Variants in PTPRG observed in about 807,000 individuals in gnomAD.
PTPRG encodes the protein protein tyrosine phosphatase receptor type G, also known as receptor-type tyrosine-protein phosphatase gamma.
A neutral mutation model predicts 165.3 loss-of-function variants in PTPRG; 102 were observed. That is an observed-to-expected ratio of 0.62 (90% CI 0.53 to 0.73). PTPRG has a LOEUF of 0.73. Among genes scored for constraint, PTPRG ranks in the 30% least tolerant of loss-of-function variants. The pLI is 0.00. For missense variants in PTPRG, 1,866 were observed against 1,861.4 expected, an observed-to-expected ratio of 1.00 and a Z score of -0.05; for synonymous variants, 675 against 669.5, an observed-to-expected ratio of 1.01 and a Z score of -0.13.
intron 5 of PTPRG, among the ~76,000 whole-genome samples, chr3:62,116,541 C>T (rs966125523): frequency 5.3e-5 from 8 of 152,042 alleles, no homozygotes; most frequent in African/African-American, 1.4e-4. Flanking sequence ...TCAGATATAA[C>T]GACGAGTGAA....
intron 2 of PTPRG, among the ~76,000 whole-genome samples, chr3:61,810,958 T>C (rs557878821): frequency 6.6e-6 from 1 of 152,286 alleles, no homozygotes; most frequent in East Asian, 1.9e-4. Context: ...CCTACCTGTG[T>C]TGGGGAGTGC....
intron 5 of PTPRG, among the ~76,000 whole-genome samples, chr3:62,105,834 T>C (rs1005590669): frequency 1.3e-5 from 2 of 152,156 alleles, no homozygotes; most frequent in Admixed American, 6.6e-5. Context: ...GTAGATCTCT[T>C]GGTGTCTTCT....
chr3:62,195,131 G>A lies in PTPRG; in HGVS notation c.1288G>A (p.Asp430Asn), dbSNP rs1450927100. 1.2e-5 allele frequency: 20 copies of A among 1,614,210 alleles called. No homozygotes were observed. Among genetic ancestry groups the A allele is most frequent in the East Asian group, 6.7e-5 (3 of 44,858 alleles). ...LFRVQAVCRNDMRSDFSQTML... is the reference protein window; with the variant it reads ...LFRVQAVCRNNMRSDFSQTML... ...CCGAGTCCAGGCCGTGTGTCGGAAC[G>A]ACATGCGCAGCGACTTTAGCCAGAC... is the stretch of plus-strand genomic sequence containing the variant. Residue 430 changes from aspartate (D) to asparagine (N), a missense_variant, in exon 10 of 30, where the codon GAC (aspartate) becomes AAC (asparagine). Transcript: ENST00000474889. This position sits in a 1 kb window ranked among gnomAD's most constrained non-coding sequence, Gnocchi z 4.4.
chr3:62,178,857 G>A (rs1705540051), intron 8 of PTPRG, among the ~76,000 whole-genome samples: 1 of 152,208 alleles, frequency 6.6e-6, no homozygotes, highest in South Asian at 2.1e-4. Flanking sequence ...GGGTTTACTT[G>A]TGTGGGCACC....
At chr3:61,801,233 A>G (rs1189590313) in intron 2 of PTPRG, among the ~76,000 whole-genome samples, 1 of 152,102 alleles carries the variant, frequency 6.6e-6, no homozygotes, top group Non-Finnish European at 1.5e-5. Flanking sequence ...TGGTCTATGC[A>G]CACAGACGCC....
chr3:61,680,617 A>G (rs1344790966), intron 1 of PTPRG, among the ~76,000 whole-genome samples: 1 of 150,240 alleles, frequency 6.7e-6, no homozygotes, highest in Non-Finnish European at 1.5e-5. Context: ...AAAAAATCAT[A>G]CAAAAAAAAT....
intron 2 of PTPRG, among the ~76,000 whole-genome samples, chr3:61,935,129 C>T (rs958468305): frequency 1.3e-5 from 2 of 152,120 alleles, no homozygotes; most frequent in Non-Finnish European, 2.9e-5. Flanking sequence ...ATCTCCGCCT[C>T]TCCCTACACC....
At chr3:62,223,798 A>G (rs1700702146) in intron 13 of PTPRG, among the ~76,000 whole-genome samples, 1 of 152,200 alleles carries the variant, frequency 6.6e-6, no homozygotes, top group Admixed American at 6.5e-5. Context: ...GGAAAATCAA[A>G]TGTACAGAGC....
chr3:62,170,154 C>T (rs1033885980), intron 8 of PTPRG, among the ~76,000 whole-genome samples: 12 of 151,896 alleles, frequency 7.9e-5, no homozygotes, highest in Non-Finnish European at 1.6e-4. Flanking sequence ...TCTCTGGGAA[C>T]AATGGGAGAA....
chr3:61,790,258 T>TG (rs1261268882), intron 2 of PTPRG, among the ~76,000 whole-genome samples: 1 of 152,218 alleles, frequency 6.6e-6, no homozygotes, highest in Non-Finnish European at 1.5e-5. Flanking sequence ...TTGCTGGACT[T>TG]GCTGGGGTGG....
chr3:62,170,186 G>C (rs1168362215), intron 8 of PTPRG, among the ~76,000 whole-genome samples: 1 of 152,060 alleles, frequency 6.6e-6, no homozygotes, highest in African/African-American at 2.4e-5. Context: ...ACAAACCTGT[G>C]AAATATCTTA....
intron 23 of PTPRG, 75 bp from the exon 24 acceptor site, chr3:62,275,798 A>T: frequency 9.0e-7 from 1 of 1,110,122 alleles, no homozygotes; most frequent in South Asian, 1.5e-5. Context: ...TCTGATTGGG[A>T]TTTTTGCCAA....
Position 62,043,224 on chromosome 3 carries a change from A to G in PTPRG, c.520-34939A>G, listed in dbSNP as rs541712731. Among the ~76,000 whole-genome samples the G allele has an allele frequency of 8.5e-4, 129 of 152,304 alleles. 2 individuals carry two copies. The highest frequency in any genetic ancestry group is 2.7e-3 in the African/African-American group (114 of 41,568). On this transcript the variant is annotated intron_variant, in intron 4 of 29. Transcript: ENST00000474889. ...ATATGTTTTTCCACTAGGTTTCTAT[A>G]TTTATCTTGTAGAATCAACTCTATA...
intron 1 of PTPRG, among the ~76,000 whole-genome samples, chr3:61,733,224 T>A (rs57263080): frequency 1.8e-4 from 27 of 152,316 alleles, no homozygotes; most frequent in African/African-American, 6.5e-4. Flanking sequence ...TATTTCATGT[T>A]TGGGTCTTTA....
intron 2 of PTPRG, among the ~76,000 whole-genome samples, chr3:61,980,548 CA>C (rs1412758223): frequency 6.6e-6 from 1 of 152,174 alleles, no homozygotes; most frequent in African/African-American, 2.4e-5. Flanking sequence ...ATCCAGAATG[CA>C]TTCCTGATTT....
chr3:61,714,899 C>A (rs2031737734), intron 1 of PTPRG, among the ~76,000 whole-genome samples: 1 of 152,288 alleles, frequency 6.6e-6, no homozygotes, highest in Admixed American at 6.5e-5. Context: ...TGAGTCTAAT[C>A]CTGATAAATA....
chr3:62,273,972 TCC>T lies in PTPRG; in HGVS notation c.3465+129_3465+130del. 1 of 889,954 alleles carries T rather than the reference TCC, an allele frequency of 1.1e-6. No homozygotes were observed. Among genetic ancestry groups the T allele is most frequent in the Non-Finnish European group, 1.7e-6 (1 of 595,676 alleles). The allele number at this position is 889,954 out of a possible 1,614,324, so 55.1% of individuals were successfully genotyped here. On this transcript the variant is annotated intron_variant, in intron 23 of 29. Coordinates refer to ENST00000474889, the MANE Select transcript of PTPRG (RefSeq NM_002841.4). This position sits in a 1 kb window ranked among gnomAD's most constrained non-coding sequence, Gnocchi z 4.1. ...GGATTACTATTTGTACTCCTTGTACTCCTTAAATGTGATGAAAAAGAAAATAC... is the reference window on the plus strand; with the variant it reads ...GGATTACTATTTGTACTCCTTGTACTTTAAATGTGATGAAAAAGAAAATAC...
At chr3:61,725,185 T>G (rs182515268) in intron 1 of PTPRG, among the ~76,000 whole-genome samples, 33 of 152,284 alleles carry the variant, frequency 2.2e-4, no homozygotes, top group East Asian at 2.1e-3. Flanking sequence ...CGCTTTTTTT[T>G]GGGACAGAAT....
chr3:61,753,601 T>TTTTTTTGG (rs774438510), intron 2 of PTPRG: 5 of 441,412 alleles, frequency 1.1e-5, no homozygotes, highest in Admixed American at 2.5e-5. Flanking sequence ...TTTTTTTTTT[T>TTTTTTTGG]GGAGATTGGA....
Sources: allele counts gnomAD v4.1 joint callset (sites outside exome capture counted in the v4.1 genomes callset), GRCh38; gene constraint gnomAD v4.1.1; non-coding constraint Gnocchi (gnomAD v3.1); transcripts MANE v1.5; gene names NCBI Gene and HGNC (gene_info 2026-07-23, HGNC 2026-07-21).